Variants in CRACR2A observed in about 807,000 individuals in gnomAD.
CRACR2A encodes the protein EF-hand calcium-binding domain-containing protein 4B.
Under a neutral mutation model 90.5 loss-of-function variants are expected in CRACR2A, and 79 were observed. The observed-to-expected ratio is 0.87, with a 90% CI of 0.73 to 1.05. The LOEUF (loss-of-function observed/expected upper bound fraction) is 1.05. CRACR2A is among the 50% of genes least tolerant of loss of function. The pLI is 0.00. For synonymous variants in CRACR2A, 338 were observed against 356.7 expected (o/e 0.95, Z 0.59); for missense variants, 823 against 897.2 (o/e 0.92, Z 1.06).
intron 7 of CRACR2A, among the ~76,000 whole-genome samples, chr12:3,666,366 C>T (rs148295317): frequency 0.056 from 6,235 of 110,366 alleles, 443 homozygotes; most frequent in African/African-American, 0.22. Context: ...CGTGCGTGTG[C>T]GCGTGCGCGC....
chr12:3,735,739 G>A (rs1946440984), intron 1 of CRACR2A, among the ~76,000 whole-genome samples: 1 of 152,206 alleles, frequency 6.6e-6, no homozygotes, highest in South Asian at 2.1e-4. Context: ...GGTTCTCACA[G>A]TGGCCGTCAG....
At chr12:3,659,683 T>C (rs765407296) in intron 7 of CRACR2A, 29 bp from the exon 8 acceptor site, 57 of 1,583,858 alleles carry the variant, frequency 3.6e-5, no homozygotes, top group African/African-American at 6.7e-5. Context: ...GAGAGTCTCA[T>C]TGAGGTTCCC....
At chr12:3,680,157 T>A in intron 5 of CRACR2A, 81 bp downstream of exon 5, 1 of 1,163,638 alleles carries the variant, frequency 8.6e-7, no homozygotes, top group South Asian at 1.3e-5. Context: ...GCCCCCCAGG[T>A]CTACAAGGGA....
chr12:3,706,087 T>C (rs749719951), intron 3 of CRACR2A, among the ~76,000 whole-genome samples: 1 of 152,216 alleles, frequency 6.6e-6, no homozygotes, highest in Non-Finnish European at 1.5e-5. Context: ...CCCTCAACCC[T>C]AAACGTATAG....
intron 2 of CRACR2A, among the ~76,000 whole-genome samples, chr12:3,715,284 A>G (rs550907264): frequency 6.6e-6 from 1 of 152,346 alleles, no homozygotes; most frequent in African/African-American, 2.4e-5. Context: ...CTAGTATGAG[A>G]GGGAGCTAAT....
intron 6 of CRACR2A, among the ~76,000 whole-genome samples, chr12:3,674,788 C>G (rs994700066): frequency 1.3e-5 from 2 of 152,130 alleles, no homozygotes; most frequent in East Asian, 3.8e-4. Flanking sequence ...ATCTATATAA[C>G]AAGATGTAAT....
At chr12:3,646,964 C>T (rs550291055) in intron 11 of CRACR2A, among the ~76,000 whole-genome samples, 11 of 152,278 alleles carry the variant, frequency 7.2e-5, no homozygotes, top group Non-Finnish European at 1.2e-4. Context: ...AATTAAGACT[C>T]GGGTTGGTTA....
intron 1 of CRACR2A, among the ~76,000 whole-genome samples, chr12:3,734,645 G>GTA (rs1177845663): frequency 3.5e-4 from 52 of 150,620 alleles, no homozygotes; most frequent in Admixed American, 4.7e-4. Context: ...GTGTGTGTGT[G>GTA]TGTGTGTGCA....
At chr12:3,747,660 A>C (rs969028248) in intron 1 of CRACR2A, among the ~76,000 whole-genome samples, 1 of 152,242 alleles carries the variant, frequency 6.6e-6, no homozygotes, top group African/African-American at 2.4e-5. Flanking sequence ...TAATTGGGTC[A>C]TGGTAGCCAA....
chr12:3,679,389 C>T (rs1030396338), intron 5 of CRACR2A, among the ~76,000 whole-genome samples: 3 of 152,220 alleles, frequency 2.0e-5, no homozygotes, highest in Non-Finnish European at 1.5e-5. Context: ...TGGCTTAGAA[C>T]GCATCTCCGT....
chr12:3,693,671 A>C (rs992458910), intron 4 of CRACR2A, among the ~76,000 whole-genome samples: 2 of 152,062 alleles, frequency 1.3e-5, no homozygotes, highest in African/African-American at 2.4e-5. Flanking sequence ...TTCTACTGAG[A>C]AGTCTGCTGT....
At chr12:3,690,263 T>G (rs1057316887) in intron 4 of CRACR2A, among the ~76,000 whole-genome samples, 1 of 152,168 alleles carries the variant, frequency 6.6e-6, no homozygotes, top group Non-Finnish European at 1.5e-5. Flanking sequence ...GTTGCTAAAT[T>G]GAGAACTTTC....
intron 1 of CRACR2A, among the ~76,000 whole-genome samples, chr12:3,744,795 G>A (rs909149148): frequency 2.0e-5 from 3 of 152,246 alleles, no homozygotes; most frequent in South Asian, 2.1e-4. Context: ...GAACTGAGAC[G>A]GTATCACTGT....
Position 3,633,540 on chromosome 12 carries a change from C to T in CRACR2A, c.1735+64G>A. 1 of 1,546,598 alleles carries T rather than the reference C, an allele frequency of 6.5e-7. No individual in the cohort carries two copies. The highest frequency in any genetic ancestry group is 8.7e-7 in the Non-Finnish European group (1 of 1,143,522). ...GCTTCTAACGCTCCCTGCCCCGGGC[C>T]CCCTTCTCACAAACTCCCTTCCCAA... On this transcript the variant is annotated intron_variant, in intron 15 of 19. Transcript: ENST00000440314. This position sits in a 1 kb window ranked among gnomAD's most constrained non-coding sequence, Gnocchi z 4.5.
At chr12:3,622,630 A>ATGTG (rs141796637) in intron 17 of CRACR2A, among the ~76,000 whole-genome samples, 45 of 150,534 alleles carry the variant, frequency 3.0e-4, no homozygotes, top group African/African-American at 7.8e-4. Flanking sequence ...GCCTATGTGC[A>ATGTG]TGTGTGTGTG....
intron 11 of CRACR2A, among the ~76,000 whole-genome samples, chr12:3,647,564 G>A (rs949366770): frequency 2.0e-5 from 3 of 152,110 alleles, no homozygotes; most frequent in South Asian, 2.1e-4. Context: ...AGACCTTCGC[G>A]CAAATGGATT....
Position 3,627,671 on chromosome 12 carries a change from T to C in CRACR2A, c.1771A>G (p.Asn591Asp), listed in dbSNP as rs905715810. 4.5e-6 allele frequency: 7 copies of C among 1,551,628 alleles called. No individual in the cohort carries two copies. Among genetic ancestry groups the C allele is most frequent in the African/African-American group, 1.4e-5 (1 of 73,026 alleles). The change falls in exon 16 of 20, where the codon AAC becomes GAC. Residue 591 changes from asparagine to aspartate, a missense_variant. Coordinates refer to ENST00000440314, the MANE Select transcript of CRACR2A (RefSeq NM_001144958.2). ...CACAGCTGCAGGGCCACCTGAGAGT[T>C]GTCCACATTCAACGTCTTCACACGG... Reference protein sequence around the residue: ...DYRVKTLNVDNSQVALQLWDT... With the variant: ...DYRVKTLNVDDSQVALQLWDT...
chr12:3,734,108 C>T (rs866888893), intron 1 of CRACR2A, among the ~76,000 whole-genome samples: 20 of 149,408 alleles, frequency 1.3e-4, no homozygotes, highest in African/African-American at 4.4e-4. Flanking sequence ...GTAGCTGGGA[C>T]TACAGGCGCC....
chr12:3,662,588 C>T (rs1392722559), intron 7 of CRACR2A, among the ~76,000 whole-genome samples: 1 of 152,192 alleles, frequency 6.6e-6, no homozygotes, highest in African/African-American at 2.4e-5. Context: ...CAGTGCTCCC[C>T]AGGGGGAAGA....
Sources: gnomAD v4.1 joint callset for allele counts (sites outside exome capture counted in the v4.1 genomes callset) on GRCh38, gnomAD v4.1.1 for gene constraint, Gnocchi (gnomAD v3.1) non-coding constraint, MANE v1.5 for transcripts, NCBI Gene and HGNC (gene_info 2026-07-23, HGNC 2026-07-21) for gene names.